Variants in MYO5B observed in about 807,000 individuals in gnomAD.
MYO5B encodes the protein myosin VB, also known as unconventional myosin-Vb.
MYO5B carries 143 observed loss-of-function variants against 229.3 expected under a neutral mutation model. That is an observed-to-expected ratio of 0.62 (90% CI 0.54 to 0.72). The LOEUF is 0.72. Among genes scored for constraint, MYO5B ranks in the 30% least tolerant of loss-of-function variants. The pLI, the probability that MYO5B is intolerant of heterozygous loss-of-function variation, is 0.00. For missense variants in MYO5B, 2,321 were observed against 2,331.0 expected (o/e 1.00, Z 0.09); for synonymous variants, 918 against 885.2 (o/e 1.04, Z -0.66).
chr18:50,161,201 T>C (rs963410924), intron 1 of MYO5B, among the ~76,000 whole-genome samples: 4 of 152,178 alleles, frequency 2.6e-5, no homozygotes, highest in African/African-American at 9.7e-5. Context: ...CTGGTCAACA[T>C]GGTGAATCTC....
At chr18:49,974,855 A>C (rs1285967868) in intron 9 of MYO5B, among the ~76,000 whole-genome samples, 1 of 144,532 alleles carries the variant, frequency 6.9e-6, no homozygotes, top group Non-Finnish European at 1.5e-5. Context: ...CAGAGCCCAT[A>C]AGAGAGCAAT....
intron 1 of MYO5B, among the ~76,000 whole-genome samples, chr18:50,181,780 T>C (rs1263431636): frequency 1.3e-5 from 2 of 152,140 alleles, no homozygotes; most frequent in Non-Finnish European, 2.9e-5. Flanking sequence ...GTCACACACA[T>C]ACACACAGTA....
intron 16 of MYO5B, among the ~76,000 whole-genome samples, chr18:49,932,993 C>A (rs573659864): frequency 6.6e-6 from 1 of 152,218 alleles, no homozygotes; most frequent in Non-Finnish European, 1.5e-5. Flanking sequence ...AGTGCTGAAA[C>A]TGAAGTTCAT....
intron 1 of MYO5B, among the ~76,000 whole-genome samples, chr18:50,063,218 C>G (rs532886123): frequency 6.6e-6 from 1 of 152,242 alleles, no homozygotes; most frequent in South Asian, 2.1e-4. Flanking sequence ...CCCCCAGCGG[C>G]GAGCCATGCT....
intron 29 of MYO5B, among the ~76,000 whole-genome samples, chr18:49,860,492 G>A (rs1162127159): frequency 1.3e-5 from 2 of 152,140 alleles, no homozygotes; most frequent in African/African-American, 4.8e-5. Context: ...AAGCAGAAGT[G>A]CCACCCGCAT....
rs749988753 is a variant in MYO5B at position 50,021,505 on chromosome 18, A to T, written c.455+15345T>A. ...CAATCCTGGAGTTACGGCAAGAGCC[A>T]TGAGGCAAGAGAGAGAAAAGAGGTC... On this transcript the variant is annotated intron_variant, in intron 4 of 39. Coordinates refer to ENST00000285039, the MANE Select transcript of MYO5B (RefSeq NM_001080467.3). Among the ~76,000 whole-genome samples the T allele has an allele frequency of 1.1e-4, 16 of 152,328 alleles. No homozygotes were observed. In the East Asian group the frequency reaches 2.3e-3, roughly 22 times the overall value.
In MYO5B at chr18:49,984,771, C is replaced by T. The variant is rs144305793; in HGVS notation, c.893G>A (p.Gly298Asp). 3.7e-6 allele frequency: 6 copies of T among 1,614,016 alleles called. No homozygotes were observed. The highest frequency in any genetic ancestry group is 1.6e-4 in the Middle Eastern group (1 of 6,062). ...TSQGGDTSIE[G>D]VDDAEDFEKT... ...CTCAAAGTCCTCAGCATCGTCCACACCCTCGATGGAAGTGTCTCCTCCCTG... is the reference window on the plus strand; with the variant it reads ...CTCAAAGTCCTCAGCATCGTCCACATCCTCGATGGAAGTGTCTCCTCCCTG... Residue 298 changes from glycine (G) to aspartate (D), a missense_variant, in exon 8 of 40, where the codon GGT (glycine) becomes GAT (aspartate). By Grantham distance (94) the Gly-to-Asp change is moderately conservative. Coordinates refer to ENST00000285039, the MANE Select transcript of MYO5B (RefSeq NM_001080467.3).
chr18:50,088,036 G>C (rs913894162), intron 1 of MYO5B, among the ~76,000 whole-genome samples: 1 of 152,190 alleles, frequency 6.6e-6, no homozygotes, highest in Non-Finnish European at 1.5e-5. Flanking sequence ...GCAAAGCTTT[G>C]AAGGATGTAG....
intron 17 of MYO5B, among the ~76,000 whole-genome samples, chr18:49,925,417 T>G (rs190683772): frequency 1.3e-5 from 2 of 152,242 alleles, no homozygotes; most frequent in Admixed American, 1.3e-4. Context: ...TCAAACCAAG[T>G]TGTGGCCTGA....
intron 22 of MYO5B, among the ~76,000 whole-genome samples, chr18:49,894,135 C>A (rs1283370834): frequency 6.6e-6 from 1 of 152,196 alleles, no homozygotes; most frequent in African/African-American, 2.4e-5. Flanking sequence ...ATCCAGCCTG[C>A]CCCAATTTTG....
chr18:50,055,510 T>C, intron 1 of MYO5B, 132 bp from the exon 2 acceptor site: 1 of 725,586 alleles, frequency 1.4e-6, no homozygotes, highest in Non-Finnish European at 2.4e-6. Flanking sequence ...CACCTTCTCA[T>C]TTCAGGACAC....
intron 2 of MYO5B, among the ~76,000 whole-genome samples, chr18:50,048,425 A>C (rs2030297321): frequency 6.6e-6 from 1 of 152,198 alleles, no homozygotes; most frequent in Non-Finnish European, 1.5e-5. Flanking sequence ...CTAGGTGCAC[A>C]AGGCTGGCTG....
intron 1 of MYO5B, among the ~76,000 whole-genome samples, chr18:50,160,580 A>G (rs1169827902): frequency 3.3e-5 from 5 of 152,120 alleles, no homozygotes; most frequent in Non-Finnish European, 7.3e-5. Context: ...GCTGGCACAC[A>G]TTCCCCATGA....
intron 16 of MYO5B, among the ~76,000 whole-genome samples, chr18:49,930,620 C>A (rs368736076): frequency 1.3e-5 from 2 of 152,204 alleles, no homozygotes; most frequent in East Asian, 1.9e-4. Context: ...GGGCTGGATG[C>A]GGTGCCTCAT....
chr18:49,934,129 G>C (rs1296807869), intron 16 of MYO5B, among the ~76,000 whole-genome samples: 2 of 152,192 alleles, frequency 1.3e-5, no homozygotes, highest in Non-Finnish European at 2.9e-5. Flanking sequence ...TCCTGCCTTG[G>C]CCTCTCAAAG....
At chr18:50,128,187 CACT>C (rs1382298354) in intron 1 of MYO5B, among the ~76,000 whole-genome samples, 3 of 152,250 alleles carry the variant, frequency 2.0e-5, no homozygotes, top group Admixed American at 2.0e-4. Flanking sequence ...AATCCTAATA[CACT>C]ACTATTGGTT....
At chr18:50,004,074 T>C (rs2144331185) in intron 4 of MYO5B, among the ~76,000 whole-genome samples, 1 of 152,144 alleles carries the variant, frequency 6.6e-6, no homozygotes, top group East Asian at 1.9e-4. Context: ...AATAAGGGAA[T>C]TCCCCTGCAT....
At chr18:50,041,688 A>T (rs1598973872) in intron 2 of MYO5B, among the ~76,000 whole-genome samples, 1 of 152,284 alleles carries the variant, frequency 6.6e-6, no homozygotes, top group East Asian at 1.9e-4. Flanking sequence ...AAATTTTTTT[A>T]ACTGGGCAAG....
Position 49,929,607 on chromosome 18 carries a change from G to T in MYO5B, c.2004-9C>A, listed in dbSNP as rs1393214449. On this transcript the variant is annotated splice_polypyrimidine_tract_variant and intron_variant, in intron 16 of 39. Transcript: ENST00000285039. ...CTCTCTTTGGGTCAAAGCTGCCAAA[G>T]GAGAAAAAAAAAAAAAAAAGCAAGA... 7.0e-7 allele frequency: 1 copy of T among 1,435,438 alleles called. No individual in the cohort carries two copies. 88.9% of individuals were successfully genotyped at this position (1,435,438 alleles called of 1,614,324 possible). A position where few individuals can be genotyped will look rare whatever the true frequency, so the allele number is the denominator to read the frequency against.
Sources: allele counts gnomAD v4.1 joint callset (sites outside exome capture counted in the v4.1 genomes callset), GRCh38; gene constraint gnomAD v4.1.1; transcripts MANE v1.5; gene names NCBI Gene and HGNC (gene_info 2026-07-23, HGNC 2026-07-21).